Variants in TMEM184C observed in about 807,000 individuals in gnomAD.
TMEM184C encodes the protein transmembrane protein 34.
In TMEM184C, 25 loss-of-function variants were observed where a neutral mutation model predicts 54.5. The observed-to-expected ratio is 0.46, with a 90% CI of 0.33 to 0.64. The LOEUF (loss-of-function observed/expected upper bound fraction) is 0.64. Among genes scored for constraint, TMEM184C ranks in the 30% least tolerant of loss-of-function variants. The pLI, the probability that TMEM184C is intolerant of heterozygous loss-of-function variation, is 0.02. For synonymous variants in TMEM184C, 148 were observed against 181.5 expected (o/e 0.82, Z 1.49); for missense variants, 335 against 520.3 (o/e 0.64, Z 3.46).
rs563671164 is a variant in TMEM184C at position 147,634,202 on chromosome 4, T to C, written c.1085T>C (p.Leu362Ser). 1 of 1,613,886 alleles carries C rather than the reference T, an allele frequency of 6.2e-7. No homozygotes were observed. ...RTVRGHPRKKLFPEDQDQNEH... is the reference protein window; with the variant it reads ...RTVRGHPRKKSFPEDQDQNEH... Reference sequence around the variant, plus strand: ...GTCAGGGGACATCCCAGGAAAAAATTGTTTCCCGAGGATCAAGATCAAAAT... The same window carrying C: ...GTCAGGGGACATCCCAGGAAAAAATCGTTTCCCGAGGATCAAGATCAAAAT... Residue 362 changes from leucine to serine, a missense_variant, in exon 10 of 10, where the codon TTG becomes TCG. Physicochemically the swap from Leu to Ser is moderately radical, Grantham distance 145. Transcript: ENST00000296582.
chr4:147,629,007 G>C (rs1732863220), intron 5 of TMEM184C, among the ~76,000 whole-genome samples: 1 of 152,144 alleles, frequency 6.6e-6, no homozygotes, highest in African/African-American at 2.4e-5. Context: ...CAGAGGAAAA[G>C]TGGAAAGAAA....
At chr4:147,633,052 AT>A in intron 8 of TMEM184C, 50 bp downstream of exon 8, 1 of 1,480,814 alleles carries the variant, frequency 6.8e-7, no homozygotes, top group Non-Finnish European at 9.4e-7. Context: ...TTTGTTAAGC[AT>A]TTTTACATAT....
chr4:147,626,365 T>A (rs986893081), intron 4 of TMEM184C, among the ~76,000 whole-genome samples: 2 of 152,190 alleles, frequency 1.3e-5, no homozygotes, highest in African/African-American at 2.4e-5. Flanking sequence ...AGCTTGGAGG[T>A]TAGACACAAG....
intron 1 of TMEM184C, among the ~76,000 whole-genome samples, chr4:147,623,332 G>A (rs995053381): frequency 1.3e-4 from 19 of 151,926 alleles, no homozygotes; most frequent in African/African-American, 4.3e-4. Context: ...CTATTTGGGA[G>A]GCTGAGGCAG....
chr4:147,622,828 T>G (rs1732737470), intron 1 of TMEM184C, among the ~76,000 whole-genome samples: 2 of 152,136 alleles, frequency 1.3e-5, no homozygotes, highest in Admixed American at 6.5e-5. Context: ...GTGGCACAAA[T>G]CATGGCTCAC....
chr4:147,629,546 T>C (rs1333333264), intron 5 of TMEM184C, 53 bp from the exon 6 acceptor site: 9 of 1,385,050 alleles, frequency 6.5e-6, no homozygotes, highest in Non-Finnish European at 9.0e-6. Context: ...ATTGCTGTAT[T>C]TTGAAGTACG....
chr4:147,624,305 T>C (rs1482492397), intron 3 of TMEM184C, among the ~76,000 whole-genome samples: 2 of 152,102 alleles, frequency 1.3e-5, no homozygotes, highest in Admixed American at 6.5e-5. Flanking sequence ...TCTATAGCTG[T>C]TTGCTTTCTT....
chr4:147,629,754 T>C, intron 6 of TMEM184C, 62 bp downstream of exon 6: 1 of 1,177,094 alleles, frequency 8.5e-7, no homozygotes. Flanking sequence ...TAAATTTCTT[T>C]AGACAAAGTT....
rs1732764820 is a variant in TMEM184C at position 147,624,058 on chromosome 4, A to G, written c.255-4A>G. The G allele has an allele frequency of 1.9e-6, 3 of 1,610,146 alleles. No homozygotes were observed. The highest frequency in any genetic ancestry group is 2.7e-5 in the African/African-American group (2 of 74,800). On this transcript the variant is annotated splice_region_variant and splice_polypyrimidine_tract_variant and intron_variant, in intron 2 of 9. Coordinates refer to ENST00000296582, the MANE Select transcript of TMEM184C (RefSeq NM_018241.3). ...TTTAAATTTCTGTTTTCCTTTTCCA[A>G]TAGGATTCTTTGGATGGTACCTATT...
At chr4:147,623,741 G>A (rs2126548868) in intron 1 of TMEM184C, 93 bp from the exon 2 acceptor site, 2 of 1,286,438 alleles carry the variant, frequency 1.6e-6, no homozygotes, top group Non-Finnish European at 2.2e-6. Context: ...GCCTCCCCAA[G>A]TGCTAGGATT....
intron 8 of TMEM184C, 94 bp downstream of exon 8, chr4:147,633,096 G>A: frequency 9.8e-7 from 1 of 1,024,038 alleles, no homozygotes; most frequent in South Asian, 1.6e-5. Context: ...CAGGGTATGG[G>A]GCTATTATCC....
chr4:147,618,086 G>C lies in TMEM184C; in HGVS notation c.123+7G>C. 1 of 1,614,020 alleles carries C rather than the reference G, an allele frequency of 6.2e-7. No homozygotes were observed. Among genetic ancestry groups the C allele is most frequent in the Non-Finnish European group, 8.5e-7 (1 of 1,179,948 alleles). ...GGAATTACAGAAACTGGAGGTAAGA[G>C]GGTTCTGCACCATCAGCCTGTACAC... On this transcript the variant is annotated splice_region_variant and intron_variant, in intron 1 of 9. Transcript: ENST00000296582.
At chr4:147,626,862 A>G (rs1430288361) in intron 4 of TMEM184C, among the ~76,000 whole-genome samples, 3 of 152,232 alleles carry the variant, frequency 2.0e-5, no homozygotes, top group East Asian at 3.8e-4. Flanking sequence ...TAGATTGGTT[A>G]TCAAGGGAGA....
chr4:147,634,210 G>A lies in TMEM184C; in HGVS notation c.1093G>A (p.Glu365Lys), dbSNP rs751249635. 3.2e-5 allele frequency: 52 copies of A among 1,613,908 alleles called. No homozygotes were observed. The highest frequency in any genetic ancestry group is 1.8e-4 in the South Asian group (16 of 91,078). Residue 365 changes from glutamate (E) to lysine (K), a missense_variant, in exon 10 of 10, where the codon GAG becomes AAG. Coordinates refer to ENST00000296582, the MANE Select transcript of TMEM184C (RefSeq NM_018241.3). ...ACATCCCAGGAAAAAATTGTTTCCC[G>A]AGGATCAAGATCAAAATGAACATAC... ...RGHPRKKLFP[E>K]DQDQNEHTSL... is the part of the protein sequence containing the mutation.
At chr4:147,624,263 A>T (rs1215316495) in intron 3 of TMEM184C, among the ~76,000 whole-genome samples, 165 bp downstream of exon 3, 1 of 152,186 alleles carries the variant, frequency 6.6e-6, no homozygotes, top group Non-Finnish European at 1.5e-5. Flanking sequence ...ATAATTAAAA[A>T]TGTAAAATGT....
chr4:147,630,045 C>T (rs1274428909), intron 6 of TMEM184C, among the ~76,000 whole-genome samples: 1 of 150,380 alleles, frequency 6.6e-6, no homozygotes, highest in Non-Finnish European at 1.5e-5. Context: ...ATATACTGAA[C>T]ATATTCAGAA....
intron 6 of TMEM184C, among the ~76,000 whole-genome samples, 193 bp from the exon 7 acceptor site, chr4:147,631,200 A>G (rs1732911133): frequency 6.6e-6 from 1 of 152,160 alleles, no homozygotes; most frequent in Non-Finnish European, 1.5e-5. Flanking sequence ...AAACATTTTT[A>G]CGGAAGATGT....
At chr4:147,620,589 C>T (rs1732690699) in intron 1 of TMEM184C, among the ~76,000 whole-genome samples, 1 of 152,060 alleles carries the variant, frequency 6.6e-6, no homozygotes, top group South Asian at 2.1e-4. Context: ...TTTATGGCCC[C>T]GGTAAGGATA....
In TMEM184C at chr4:147,629,746, A is replaced by C. The variant is rs564483640; in HGVS notation, c.666+54A>C. On this transcript the variant is annotated intron_variant, in intron 6 of 9. Transcript: ENST00000296582. ...TGTACTAAATTCGTATCTATAACTA[A>C]ATTTCTTTAGACAAAGTTTCTTCTT... The C allele has an allele frequency of 1.8e-5, 23 of 1,280,722 alleles. No homozygotes were observed. The African/African-American group carries it at 2.0e-4, about 11-fold the overall frequency. The allele number at this position is 1,280,722 out of a possible 1,614,324, so 79.3% of individuals were successfully genotyped here.
Sources: allele counts gnomAD v4.1 joint callset (sites outside exome capture counted in the v4.1 genomes callset), GRCh38; gene constraint gnomAD v4.1.1; transcripts MANE v1.5; gene names NCBI Gene and HGNC (gene_info 2026-07-23, HGNC 2026-07-21).